FKBP2: variants seen among roughly 807,000 people sequenced by gnomAD.
FKBP2 encodes FKBP prolyl isomerase 2, also known as peptidyl-prolyl cis-trans isomerase FKBP2.
FKBP2 carries 15 observed loss-of-function variants against 19.4 expected under a neutral mutation model. The observed-to-expected ratio is 0.77, with a 90% CI of 0.52 to 1.19. The LOEUF (loss-of-function observed/expected upper bound fraction) is 1.19, where lower values mean the gene tolerates loss of function less well. FKBP2 is among the 50% of genes most tolerant of loss of function. The pLI is 0.00. For missense variants in FKBP2, 170 were observed against 179.0 expected, an observed-to-expected ratio of 0.95 and a Z score of 0.29; for synonymous variants, 76 against 74.8, an observed-to-expected ratio of 1.02 and a Z score of -0.08.
chr11:64,242,254 C>T (rs1464907241), intron 1 of FKBP2, 130 bp from the exon 2 acceptor site: 3 of 938,906 alleles, frequency 3.2e-6, no homozygotes, highest in Non-Finnish European at 4.4e-6. Context: ...GGCGGTGACC[C>T]GGGACAAAGG....
At position 64,244,127 on chromosome 11, in the gene FKBP2, G is replaced by T; in HGVS notation, c.*98G>T. ...AAAACAAACAAAAAAACACTTAAAAGCCCAAGGAGTAAGCCTGTGTGTGTT... is the reference window on the plus strand; with the variant it reads ...AAAACAAACAAAAAAACACTTAAAATCCCAAGGAGTAAGCCTGTGTGTGTT... On this transcript the variant is annotated 3_prime_UTR_variant, in exon 6 of 6. Coordinates refer to ENST00000309366, the MANE Select transcript of FKBP2 (RefSeq NM_004470.4). 7.4e-7 allele frequency: 1 copy of T among 1,354,916 alleles called. No homozygotes were observed. The highest frequency in any genetic ancestry group is 1.2e-5 in the South Asian group (1 of 81,098). 83.9% of individuals were successfully genotyped at this position (1,354,916 alleles called of 1,614,324 possible).
intron 4 of FKBP2, 34 bp from the exon 5 acceptor site, chr11:64,243,807 C>T (rs763301921): frequency 6.8e-6 from 11 of 1,613,468 alleles, no homozygotes; most frequent in Non-Finnish European, 9.3e-6. Flanking sequence ...GGAGCTTGGC[C>T]ATCACTGACT....
Position 64,243,990 on chromosome 11 carries a change from G to C in FKBP2, c.390G>C (p.Glu130Asp). The change falls in exon 6 of 6, where the codon GAG (glutamate) becomes GAC (aspartate). Residue 130 changes from glutamate to aspartate, a missense_variant. By Grantham distance (45) the Glu-to-Asp change is conservative (BLOSUM62 2). Coordinates refer to ENST00000309366, the MANE Select transcript of FKBP2 (RefSeq NM_004470.4). ...CAGGTGGTGCAACCCTGGTGTTCGA[G>C]GTGGAGCTGCTCAAAATAGAGCGAC... is the stretch of plus-strand genomic sequence containing the variant. Reference protein sequence around the residue: ...KIPGGATLVFEVELLKIERRT... With the variant: ...KIPGGATLVFDVELLKIERRT... 6.2e-7 allele frequency: 1 copy of C among 1,614,104 alleles called. No homozygotes were observed. The highest frequency in any genetic ancestry group is 1.1e-5 in the South Asian group (1 of 91,082).
At chr11:64,243,617 C>G (rs1047830567) in intron 4 of FKBP2, 120 bp downstream of exon 4, 2 of 1,354,818 alleles carry the variant, frequency 1.5e-6, no homozygotes, top group African/African-American at 2.9e-5. Flanking sequence ...CATGCCTCCT[C>G]CAAGTTTGGC....
Position 64,243,303 on chromosome 11 carries a change from G to A in FKBP2, c.276G>A (p.Gly92=). 3 of 1,604,052 alleles carry A rather than the reference G, an allele frequency of 1.9e-6. No homozygotes were observed. Among genetic ancestry groups the A allele is most frequent in the Non-Finnish European group, 2.6e-6 (3 of 1,174,056 alleles). ...TGQVIKGWDQ[G]LLGMCEGEKR... ...AGGTCATCAAGGGCTGGGACCAGGG[G>A]CTGCTGGGGTGAGTCATGGGGGAAT... The change falls in exon 3 of 6, where the codon GGG becomes GGA. Residue 92 remains glycine (G), a synonymous_variant. Transcript: ENST00000309366.
At chr11:64,243,691 C>A in intron 4 of FKBP2, 150 bp from the exon 5 acceptor site, 3 of 1,233,648 alleles carry the variant, frequency 2.4e-6, no homozygotes, top group South Asian at 1.3e-5. Context: ...CCCCACTCTG[C>A]CCTTGCCAGG....
intron 2 of FKBP2, 84 bp from the exon 3 acceptor site, chr11:64,243,115 G>C (rs948736118): frequency 8.0e-7 from 1 of 1,253,134 alleles, no homozygotes; most frequent in South Asian, 1.2e-5. Context: ...GGCGTGGGGG[G>C]GCAGCTTGAT....
At chr11:64,242,235 G>A (rs1191992053) in intron 1 of FKBP2, 149 bp from the exon 2 acceptor site, 11 of 732,134 alleles carry the variant, frequency 1.5e-5, no homozygotes, top group Non-Finnish European at 2.0e-5. Context: ...CCCGGAGCCC[G>A]GGGGAGAGGG....
At chr11:64,242,959 C>T (rs1018588177) in intron 2 of FKBP2, among the ~76,000 whole-genome samples, 1 of 152,330 alleles carries the variant, frequency 6.6e-6, no homozygotes, top group African/African-American at 2.4e-5. Context: ...ATAATCCCAG[C>T]TACTTGGGAG....
At chr11:64,242,620 G>T in intron 2 of FKBP2, 62 bp downstream of exon 2, 1 of 1,488,704 alleles carries the variant, frequency 6.7e-7, no homozygotes, top group South Asian at 1.3e-5. Flanking sequence ...GAGAGTGCTT[G>T]GGAGTCTGGT....
chr11:64,242,261 A>G (rs1265915335), intron 1 of FKBP2, 123 bp from the exon 2 acceptor site: 5 of 992,726 alleles, frequency 5.0e-6, no homozygotes, highest in Non-Finnish European at 6.9e-6. Context: ...ACCCGGGACA[A>G]AGGGGATCCC....
At chr11:64,242,154 C>G (rs2135011949) in intron 1 of FKBP2, 1 of 469,708 alleles carries the variant, frequency 2.1e-6, no homozygotes, top group East Asian at 3.7e-5. Flanking sequence ...GCTGTGGCCT[C>G]CCCTGACCCC....
At chr11:64,242,605 G>A (rs2030595960) in intron 2 of FKBP2, 47 bp downstream of exon 2, 2 of 1,513,554 alleles carry the variant, frequency 1.3e-6, no homozygotes, top group East Asian at 2.6e-5. Context: ...GGCTTCCGAG[G>A]ACCAGAGAGT....
At chr11:64,243,947 G>A in intron 5 of FKBP2, 21 bp from the exon 6 acceptor site, 1 of 1,614,038 alleles carries the variant, frequency 6.2e-7, no homozygotes, top group Non-Finnish European at 8.5e-7. Flanking sequence ...TTGGCATTTT[G>A]ACTCCCCTTC....
At chr11:64,243,089 A>C (rs1379896539) in intron 2 of FKBP2, 110 bp from the exon 3 acceptor site, 4 of 945,232 alleles carry the variant, frequency 4.2e-6, no homozygotes, top group Non-Finnish European at 6.8e-6. Flanking sequence ...AGGACTGACC[A>C]CCAGGGCTGT....
rs560585531 is a variant in FKBP2, at chr11:64,243,813, T to C, written c.332-28T>C. On this transcript the variant is annotated intron_variant, in intron 4 of 5. Transcript: ENST00000309366. ...CACTGGAAGGGAGCTTGGCCATCAC[T>C]GACTGTTTCTTTGTGCATCTTCAAC... 1.4e-5 allele frequency: 23 copies of C among 1,613,832 alleles called. No homozygotes were observed. The South Asian group carries it at 1.9e-4, about 13-fold the overall frequency.
intron 1 of FKBP2, chr11:64,242,064 CAGGCGGGAACTGAAGAGCGG>C: frequency 3.8e-6 from 1 of 264,966 alleles, no homozygotes; most frequent in Non-Finnish European, 7.2e-6. Flanking sequence ...CGTAAAGGGA[CAGGCGGGAACTGAAGAGCGG>C]AGGTGGGGAC....
In FKBP2 at chr11:64,242,450, G is replaced by A. The variant is rs767866247; in HGVS notation, c.63G>A (p.Thr21=). ...CCATCTGCCTGAGCGCCGTGGCCAC[G>A]GCCACGGGGGCCGAGGGCAAAAGGA... ...VLSICLSAVA[T]ATGAEGKRKL... is the part of the protein sequence containing the mutation. Residue 21 remains threonine (T), a synonymous_variant, in exon 2 of 6, where the codon ACG becomes ACA. Transcript: ENST00000309366. 10 of 1,547,800 alleles carry A rather than the reference G, an allele frequency of 6.5e-6. No individual in the cohort carries two copies. The African/African-American group carries it at 1.0e-4, about 15-fold the overall frequency.
rs1048352552 is a variant in FKBP2 at position 64,243,355 on chromosome 11, C to A, written c.284+44C>A. 14 of 1,597,300 alleles carry A rather than the reference C, an allele frequency of 8.8e-6. No homozygotes were observed. The African/African-American group carries it at 1.2e-4, about 14-fold the overall frequency. On this transcript the variant is annotated intron_variant, in intron 3 of 5. Coordinates refer to ENST00000309366, the MANE Select transcript of FKBP2 (RefSeq NM_004470.4). ...GGCTTGGGAGTGGGGGCGTGCATGG[C>A]CACCGCCCAGGAGGTAAGCTGTGGG...
Sources: allele counts gnomAD v4.1 joint callset (sites outside exome capture counted in the v4.1 genomes callset), GRCh38; gene constraint gnomAD v4.1.1; transcripts MANE v1.5; gene names NCBI Gene and HGNC (gene_info 2026-07-23, HGNC 2026-07-21).